The following PUM3 variants were observed in gnomAD, a reference collection of about 807,000 sequenced individuals.
The protein encoded by PUM3 is pumilio homolog 3.
PUM3 carries 91 observed loss-of-function variants against 84.0 expected under a neutral mutation model. That is an observed-to-expected ratio of 1.08 (90% CI 0.91 to 1.29). The LOEUF (loss-of-function observed/expected upper bound fraction) is 1.29. Ranked by LOEUF, PUM3 falls within the 50% of genes most tolerant of loss-of-function variation. The probability of loss-of-function intolerance (pLI) is 0.00; values close to 1 mark genes in which losing one functional copy is unlikely to be tolerated. For missense variants in PUM3, 1,067 were observed against 767.5 expected (o/e 1.39, Z -4.61); for synonymous variants, 321 against 266.7 (o/e 1.20, Z -1.98).
chr9:2,834,531 C>T (rs1816069554), intron 3 of PUM3, among the ~76,000 whole-genome samples: 2 of 152,074 alleles, frequency 1.3e-5, no homozygotes, highest in Admixed American at 6.6e-5. Flanking sequence ...CCAATGAAAA[C>T]AAAAATTAGT....
At position 2,807,858 on chromosome 9, in the gene PUM3, C is replaced by T. The variant is rs756955315; in HGVS notation, c.1770G>A (p.Leu590=). The T allele has an allele frequency of 6.2e-7, 1 of 1,613,742 alleles. No individual in the cohort carries two copies. The highest frequency in any genetic ancestry group is 1.7e-5 in the Admixed American group (1 of 60,014). ...CTCGATTTACACTAGCCCAGGACTT[C>T]AGGTTCTTCATACCAACATGCTCTA... The part of the protein sequence containing the change: ...TLVEHVGMKN[L]KSWASVNRGA... Residue 590 remains leucine, a synonymous_variant, in exon 17 of 18, where the codon CTG becomes CTA. Coordinates refer to ENST00000397885, the MANE Select transcript of PUM3 (RefSeq NM_014878.5).
At chr9:2,833,789 T>G (rs975837505) in intron 4 of PUM3, among the ~76,000 whole-genome samples, 2 of 152,188 alleles carry the variant, frequency 1.3e-5, no homozygotes, top group Non-Finnish European at 2.9e-5. Flanking sequence ...TCAGGAAGAA[T>G]GTCAAATTTA....
At chr9:2,838,814 C>G (rs1816198743) in intron 1 of PUM3, among the ~76,000 whole-genome samples, 1 of 152,128 alleles carries the variant, frequency 6.6e-6, no homozygotes, top group Non-Finnish European at 1.5e-5. Context: ...TAAAAATAGA[C>G]CACTATTGAC....
At chr9:2,836,520 G>A (rs913878804) in intron 3 of PUM3, among the ~76,000 whole-genome samples, 3 of 152,180 alleles carry the variant, frequency 2.0e-5, no homozygotes, top group African/African-American at 7.2e-5. Context: ...AGACAAGCAC[G>A]AGACCTGCCA....
intron 7 of PUM3, among the ~76,000 whole-genome samples, chr9:2,830,755 T>C (rs925888453): frequency 3.3e-5 from 5 of 152,188 alleles, no homozygotes; most frequent in African/African-American, 1.2e-4. Flanking sequence ...TGTATCTTTT[T>C]AGGAATGAAG....
intron 6 of PUM3, 25 bp from the exon 7 acceptor site, chr9:2,831,053 T>C (rs1815964781): frequency 8.3e-7 from 1 of 1,209,226 alleles, no homozygotes; most frequent in Non-Finnish European, 1.2e-6. Flanking sequence ...TACATTACAG[T>C]GACTTCAGAT....
At chr9:2,834,280 C>G in intron 3 of PUM3, 114 bp from the exon 4 acceptor site, 1 of 862,042 alleles carries the variant, frequency 1.2e-6, no homozygotes, top group Non-Finnish European at 1.7e-6. Context: ...ATTCTGGAAG[C>G]TAAAAAGGGG....
At chr9:2,806,468 A>G (rs1563823879) in intron 17 of PUM3, among the ~76,000 whole-genome samples, 3 of 151,886 alleles carry the variant, frequency 2.0e-5, no homozygotes, top group African/African-American at 7.3e-5. Flanking sequence ...TACAAACAAC[A>G]TAGATTAAGT....
At chr9:2,820,259 G>A (rs1444038725) in intron 12 of PUM3, among the ~76,000 whole-genome samples, 161 bp from the exon 13 acceptor site, 10 of 149,758 alleles carry the variant, frequency 6.7e-5, no homozygotes, top group African/African-American at 2.5e-4. Flanking sequence ...ATAACAAGAT[G>A]AATAAAAGCC....
At position 2,811,456 on chromosome 9, in the gene PUM3, T is replaced by G; in HGVS notation, c.1540A>C (p.Ile514Leu). 1 of 1,614,176 alleles carries G rather than the reference T, an allele frequency of 6.2e-7. No individual in the cohort carries two copies. Residue 514 changes from isoleucine (I) to leucine (L), a missense_variant, in exon 15 of 18, where the codon ATT becomes CTT. Ile to Leu is a conservative substitution (Grantham distance 5, BLOSUM62 2). Coordinates refer to ENST00000397885, the MANE Select transcript of PUM3 (RefSeq NM_014878.5). ...DKSACVLVSD[I>L]LGSATGDVQP... ...ACGTCTCCAGTGGCAGATCCCAGAA[T>G]GTCAGACACCAACACACACGCAGAC...
At chr9:2,807,172 C>CA (rs1264260638) in intron 17 of PUM3, among the ~76,000 whole-genome samples, 1 of 151,860 alleles carries the variant, frequency 6.6e-6, no homozygotes, top group Non-Finnish European at 1.5e-5. Flanking sequence ...CGCACCACTG[C>CA]ACTCCAGCCT....
chr9:2,839,604 C>CAG (rs1252106842), intron 1 of PUM3, among the ~76,000 whole-genome samples: 1 of 152,196 alleles, frequency 6.6e-6, no homozygotes, highest in African/African-American at 2.4e-5. Flanking sequence ...AAGGGAACAG[C>CAG]AGACTTCCAA....
At chr9:2,843,804 T>G (rs1816332570) in intron 1 of PUM3, among the ~76,000 whole-genome samples, 1 of 151,850 alleles carries the variant, frequency 6.6e-6, no homozygotes, top group South Asian at 2.1e-4. Context: ...GGTCTCGATC[T>G]CCTGACCTTG....
At chr9:2,828,205 C>A (rs920882157) in intron 9 of PUM3, among the ~76,000 whole-genome samples, 5 of 152,080 alleles carry the variant, frequency 3.3e-5, no homozygotes, top group African/African-American at 1.2e-4. Context: ...TAAAGCCTGG[C>A]TAATTTTCTT....
intron 12 of PUM3, among the ~76,000 whole-genome samples, chr9:2,821,899 T>G (rs909669305): frequency 2.0e-5 from 3 of 152,138 alleles, no homozygotes; most frequent in Non-Finnish European, 4.4e-5. Flanking sequence ...AATTATGGTA[T>G]AGGCACACGA....
At chr9:2,808,654 G>A (rs1350230658) in intron 16 of PUM3, among the ~76,000 whole-genome samples, 1 of 152,146 alleles carries the variant, frequency 6.6e-6, no homozygotes, top group East Asian at 1.9e-4. Flanking sequence ...TAAAAGCCAA[G>A]AGGCCTATGG....
Position 2,811,487 on chromosome 9 carries a change from T to C in PUM3, c.1509A>G (p.Leu503=), listed in dbSNP as rs1821371285. ...ACACCAACACACACGCAGACTTATC[T>C]AGCACCACTTCTTGGGCGTGTTCTT... The part of the protein sequence containing the change: ...YLQEHAQEVV[L]DKSACVLVSD... Residue 503 remains leucine, a synonymous_variant, in exon 15 of 18, where the codon CTA becomes CTG. Coordinates refer to ENST00000397885, the MANE Select transcript of PUM3 (RefSeq NM_014878.5). 8 of 1,614,146 alleles carry C rather than the reference T, an allele frequency of 5.0e-6. No individual in the cohort carries two copies. The East Asian group carries it at 6.7e-5, about 13-fold the overall frequency.
intron 3 of PUM3, among the ~76,000 whole-genome samples, chr9:2,834,478 C>G (rs1045284632): frequency 6.6e-6 from 1 of 152,132 alleles, no homozygotes; most frequent in Non-Finnish European, 1.5e-5. Context: ...TAAAATTCTA[C>G]TTTTTAAGAT....
chr9:2,806,997 A>G (rs958534577), intron 17 of PUM3, among the ~76,000 whole-genome samples: 2 of 151,736 alleles, frequency 1.3e-5, no homozygotes, highest in African/African-American at 4.8e-5. Flanking sequence ...TCACGAGGTC[A>G]GGAGATCGAG....
Sources: allele counts gnomAD v4.1 joint callset (sites outside exome capture counted in the v4.1 genomes callset), GRCh38; gene constraint gnomAD v4.1.1; transcripts MANE v1.5; gene names NCBI Gene and HGNC (gene_info 2026-07-23, HGNC 2026-07-21).